Variants in PRSS23 observed in about 807,000 individuals in gnomAD.
PRSS23 encodes protease, serine 23.
In PRSS23, 25 loss-of-function variants were observed where a neutral mutation model predicts 34.7. The observed-to-expected ratio is 0.72, with a 90% confidence interval of 0.53 to 1.01. The LOEUF is 1.01. Ranked by LOEUF, PRSS23 falls within the 50% of genes least tolerant of loss-of-function variation. The pLI is 0.00. For missense variants in PRSS23, 445 were observed against 475.6 expected, an observed-to-expected ratio of 0.94 and a Z score of 0.60; for synonymous variants, 176 against 186.6, an observed-to-expected ratio of 0.94 and a Z score of 0.46.
chr11:86,852,896 C>T lies in PRSS23; in HGVS notation c.206+29303C>T, dbSNP rs11234829. Among the ~76,000 whole-genome samples the T allele has an allele frequency of 3.3e-4, 51 of 152,274 alleles. No individual in the cohort carries two copies. The East Asian group carries it at 8.9e-3, about 26-fold the overall frequency. ...GGAGACAGAATCTTTCTCTGTCGCC[C>T]AGGCTGGAGTGCAGTGGCATGATCT... On this transcript the variant is annotated intron_variant, in intron 2 of 2. Transcript: ENST00000533902.
intron 2 of PRSS23, among the ~76,000 whole-genome samples, chr11:86,928,362 A>G (rs565290451): frequency 3.4e-5 from 5 of 148,754 alleles, no homozygotes; most frequent in African/African-American, 4.9e-5. Flanking sequence ...ATATAAATCT[A>G]TAATACATAT....
At chr11:86,872,747 C>A (rs1195925244) in intron 2 of PRSS23, among the ~76,000 whole-genome samples, 1 of 152,046 alleles carries the variant, frequency 6.6e-6, no homozygotes, top group African/African-American at 2.4e-5. Flanking sequence ...ACTGAACAAC[C>A]CACCAGGAGT....
rs11352878 is a variant in PRSS23 at position 86,867,874 on chromosome 11, C to CA, written c.206+44298dup. ...CCAGTGACAGAGTGAGACCCTACCT[C>CA]AAAAAAAAAAAAAAAAATACAACAG... is the stretch of plus-strand genomic sequence containing the variant. On this transcript the variant is annotated intron_variant, in intron 2 of 2. Transcript: ENST00000533902. Among the ~76,000 whole-genome samples the CA allele has an allele frequency of 4.4e-3, 522 of 118,298 alleles. 10 individuals are homozygous for CA. Among genetic ancestry groups the CA allele is most frequent in the African/African-American group, 9.7e-3 (275 of 28,286 alleles). The allele number at this position is 118,298 out of a possible 152,430, so 77.6% of individuals were successfully genotyped here.
At chr11:86,856,553 G>T (rs1413728949) in intron 2 of PRSS23, among the ~76,000 whole-genome samples, 1 of 152,170 alleles carries the variant, frequency 6.6e-6, no homozygotes, top group South Asian at 2.1e-4. Flanking sequence ...ATGTGAATTT[G>T]ATGTACAGTA....
upstream of PRSS23, among the ~76,000 whole-genome samples, chr11:86,797,575 T>G (rs2135590167): frequency 6.6e-6 from 1 of 152,328 alleles, no homozygotes; most frequent in East Asian, 1.9e-4. Context: ...TGGGCCCTTC[T>G]GTGCCTCAGT....
intron 2 of PRSS23, among the ~76,000 whole-genome samples, chr11:86,876,732 TAA>T (rs10594558): frequency 0.68 from 102,095 of 149,682 alleles, 35,503 homozygotes; most frequent in African/African-American, 0.85. Context: ...AACATTGCAA[TAA>T]AAAAAAAAAC....
intron 2 of PRSS23, chr11:86,910,683 G>GACACA (rs1249698320): frequency 1.3e-5 from 2 of 151,956 alleles, no homozygotes; most frequent in Admixed American, 6.6e-5. Flanking sequence ...CTCTCTCTCA[G>GACACA]ACACACACAC....
intron 2 of PRSS23, among the ~76,000 whole-genome samples, chr11:86,895,477 C>CTTTTTTTTTTTTTTT (rs71040269): frequency 1.4e-4 from 12 of 86,632 alleles, no homozygotes; most frequent in Non-Finnish European, 1.9e-4. Context: ...TTATTTTATC[C>CTTTTTTTTTTTTTTT]TTTTTTTTTT....
upstream of PRSS23, among the ~76,000 whole-genome samples, chr11:86,796,899 C>T (rs2135589874): frequency 6.6e-6 from 1 of 152,342 alleles, no homozygotes; most frequent in East Asian, 1.9e-4. Flanking sequence ...AAGCTTTCAG[C>T]ACCTGCCAGA....
intron 2 of PRSS23, among the ~76,000 whole-genome samples, chr11:86,924,327 C>T (rs538045984): frequency 8.5e-5 from 13 of 152,232 alleles, no homozygotes; most frequent in Middle Eastern, 6.8e-3. Flanking sequence ...GGGCTGCTGG[C>T]CTCAGAATGC....
At chr11:86,884,959 C>T (rs1948792939) in intron 2 of PRSS23, among the ~76,000 whole-genome samples, 2 of 152,170 alleles carry the variant, frequency 1.3e-5, no homozygotes, top group Non-Finnish European at 2.9e-5. Flanking sequence ...TTAGGTGTTT[C>T]TCCTATACTC....
intron 1 of PRSS23, 46 bp downstream of exon 1, chr11:86,800,697 G>C: frequency 1.0e-6 from 1 of 961,492 alleles, no homozygotes; most frequent in Non-Finnish European, 1.2e-6. Context: ...CGCGGGAGAG[G>C]CGAGGCGCCG....
chr11:86,821,568 T>G, intron 1 of PRSS23: 1 of 1,610,540 alleles, frequency 6.2e-7, no homozygotes, highest in South Asian at 1.1e-5. Context: ...CTCTGAAGTT[T>G]GACAACAAGT....
In PRSS23 at chr11:86,792,222, A is replaced by G. The variant is rs916990906; in HGVS notation, c.-14+1027A>G. ...CGGGAGATCAGAGTAGGAAGAGAAG[A>G]GGTCAGGGTGCTTCTTTCCAACTTC... On this transcript the variant is annotated intron_variant, in intron 1 of 1. Coordinates refer to the PRSS23 transcript ENST00000527521. Among the ~76,000 whole-genome samples the G allele has an allele frequency of 2.0e-5, 3 of 152,266 alleles. No individual in the cohort carries two copies. In the East Asian group the frequency reaches 5.8e-4, roughly 29 times the overall value.
intron 2 of PRSS23, among the ~76,000 whole-genome samples, chr11:86,849,616 A>G (rs1035808735): frequency 6.6e-6 from 1 of 152,236 alleles, no homozygotes; most frequent in South Asian, 2.1e-4. Context: ...AAGGCTTAGT[A>G]AGAAAATGTA....
In PRSS23 at chr11:86,823,454, G is replaced by T. The variant is rs1948269214; in HGVS notation, c.67G>T (p.Glu23Ter). ...TCATGCCCCCACAACTGTGAAGCGA[G>T]AGGGCTCAACAGTTTCGAATTCAAT... Residue 23 changes from glutamate (E) to a stop codon, truncating the protein, a stop_gained, in exon 2 of 3, where the codon GAG (glutamate) becomes TAG (stop). Transcript: ENST00000533902. LOFTEE classifies it high-confidence loss of function. The T allele has an allele frequency of 1.4e-6, 1 of 702,384 alleles. No individual in the cohort carries two copies. The allele number at this position is 702,384 out of a possible 1,614,324, so 43.5% of individuals were successfully genotyped here.
intron 2 of PRSS23, among the ~76,000 whole-genome samples, chr11:86,903,362 C>A (rs1022924763): frequency 2.6e-5 from 4 of 152,184 alleles, no homozygotes; most frequent in Admixed American, 1.3e-4. Context: ...ATGGTTCATA[C>A]CCCACTAGCG....
intron 2 of PRSS23, chr11:86,949,636 C>CT (rs1328442846): frequency 6.5e-6 from 1 of 152,690 alleles, no homozygotes; most frequent in Non-Finnish European, 1.5e-5. Flanking sequence ...CGAGAGGCTG[C>CT]TGGGGGTACC....
At chr11:86,894,010 GTTTGTT>G (rs1590917092) in intron 2 of PRSS23, among the ~76,000 whole-genome samples, 2 of 152,062 alleles carry the variant, frequency 1.3e-5, no homozygotes, top group South Asian at 2.1e-4. Context: ...GTTTTTGTTT[GTTTGTT>G]TTTGTTTTTG....
Sources: allele counts gnomAD v4.1 joint callset (sites outside exome capture counted in the v4.1 genomes callset), GRCh38; gene constraint gnomAD v4.1.1; transcripts MANE v1.5; gene names NCBI Gene and HGNC (gene_info 2026-07-23, HGNC 2026-07-21).